The following WNK4 variants were observed in gnomAD, a reference collection of about 807,000 sequenced individuals.
The protein encoded by WNK4 is WNK lysine deficient protein kinase 4.
Under a neutral mutation model 116.2 loss-of-function variants are expected in WNK4, and 94 were observed. That is an observed-to-expected ratio of 0.81 (90% CI 0.68 to 0.96). WNK4 has a LOEUF of 0.96. Ranked by LOEUF, WNK4 falls within the 40% of genes least tolerant of loss-of-function variation. The pLI, the probability that WNK4 is intolerant of heterozygous loss-of-function variation, is 0.00. For synonymous variants in WNK4, 655 were observed against 672.7 expected (o/e 0.97, Z 0.41); for missense variants, 1,542 against 1,650.6 (o/e 0.93, Z 1.14).
intron 11 of WNK4, among the ~76,000 whole-genome samples, chr17:42,792,934 G>T (rs1339614771): frequency 6.6e-6 from 1 of 152,220 alleles, no homozygotes; most frequent in African/African-American, 2.4e-5. Flanking sequence ...TTAGGTAGAT[G>T]TGGGTTTAAA....
In WNK4 at chr17:42,793,697, A is replaced by G. The variant is rs2144071831; in HGVS notation, c.2263A>G (p.Met755Val). The G allele has an allele frequency of 6.2e-6, 10 of 1,614,054 alleles. No homozygotes were observed. The highest frequency in any genetic ancestry group is 8.5e-6 in the Non-Finnish European group (10 of 1,179,986). The change falls in exon 12 of 19, where the codon ATG becomes GTG. Residue 755 changes from methionine (M) to valine (V), a missense_variant. By Grantham distance (21) the Met-to-Val change is conservative. Transcript: ENST00000246914. ...CCTGTTGAAGAGAGACACTGGCCCCATGGAGGCTGCTGAAGACACCCTAAG... is the reference window on the plus strand; with the variant it reads ...CCTGTTGAAGAGAGACACTGGCCCCGTGGAGGCTGCTGAAGACACCCTAAG... Reference protein sequence around the residue: ...ETLLKRDTGPMEAAEDTLSPQ... With the variant: ...ETLLKRDTGPVEAAEDTLSPQ...
At position 42,782,044 on chromosome 17, in the gene WNK4, C is replaced by A. The variant is rs1373778609; in HGVS notation, c.619-714C>A. On this transcript the variant is annotated intron_variant, in intron 1 of 18. Coordinates refer to ENST00000246914, the MANE Select transcript of WNK4 (RefSeq NM_032387.5). The surrounding 1 kb of genome is among the most constrained non-coding windows in gnomAD (Gnocchi z 4.2). ...CATGCTACATATGGGTTAGGAGAACCCAGTCAACTTGGGGCCTGAAGCTTC... is the reference window on the plus strand; with the variant it reads ...CATGCTACATATGGGTTAGGAGAACACAGTCAACTTGGGGCCTGAAGCTTC... Among the ~76,000 whole-genome samples, 1 of 152,208 alleles carries A rather than the reference C, an allele frequency of 6.6e-6. No homozygotes were observed. The highest frequency in any genetic ancestry group is 1.9e-4 in the East Asian group (1 of 5,190).
intron 11 of WNK4, among the ~76,000 whole-genome samples, chr17:42,790,213 A>C (rs142169660): frequency 6.6e-6 from 1 of 152,090 alleles, no homozygotes; most frequent in African/African-American, 2.4e-5. Context: ...AAAATAAGTT[A>C]CTCTGTAATC....
rs61013754 is a variant in WNK4 at position 42,784,909 on chromosome 17, A to G, written c.1171-188A>G. On this transcript the variant is annotated intron_variant, in intron 4 of 18. Transcript: ENST00000246914. The surrounding 1 kb of genome is among the most constrained non-coding windows in gnomAD (Gnocchi z 4.4). Reference sequence around the variant, plus strand: ...ACAAACAGCGGGAGACTTGTTCAAGATCACACTGTAAATACTTGGGGGGGG... The same window carrying G: ...ACAAACAGCGGGAGACTTGTTCAAGGTCACACTGTAAATACTTGGGGGGGG... Among the ~76,000 whole-genome samples the G allele has an allele frequency of 0.089, 12,656 of 142,602 alleles. 1,697 individuals carry two copies. The highest frequency in any genetic ancestry group is 0.29 in the African/African-American group (11,032 of 37,610). 93.6% of individuals were successfully genotyped at this position (142,602 alleles called of 152,430 possible). A position where few individuals can be genotyped will look rare whatever the true frequency, so the allele number is the denominator to read the frequency against.
chr17:42,786,187 A>C (rs1401384915), intron 6 of WNK4, among the ~76,000 whole-genome samples: 1 of 152,216 alleles, frequency 6.6e-6, no homozygotes, highest in Non-Finnish European at 1.5e-5. Context: ...CCAGGGCCCC[A>C]AGTAAGTAAG....
Position 42,796,517 on chromosome 17 carries a change from C to G in WNK4, c.3668C>G (p.Thr1223Ser). ...AGGAACTCTCTGAGTGGCAGCAGCA[C>G]CGGCTCCCAGGAGCAGCGGGCAAGC... is the stretch of plus-strand genomic sequence containing the variant. ...MRRNSLSGSSTGSQEQRASKG... is the reference protein window; with the variant it reads ...MRRNSLSGSSSGSQEQRASKG... Residue 1223 changes from threonine to serine, a missense_variant, in exon 18 of 19, where the codon ACC (threonine) becomes AGC (serine). Coordinates refer to ENST00000246914, the MANE Select transcript of WNK4 (RefSeq NM_032387.5). 1 of 1,614,050 alleles carries G rather than the reference C, an allele frequency of 6.2e-7. No homozygotes were observed. The highest frequency in any genetic ancestry group is 8.5e-7 in the Non-Finnish European group (1 of 1,179,906).
At position 42,796,409 on chromosome 17, in the gene WNK4, G is replaced by C. The variant is rs568654818; in HGVS notation, c.3632-72G>C. On this transcript the variant is annotated intron_variant, in intron 17 of 18. Coordinates refer to ENST00000246914, the MANE Select transcript of WNK4 (RefSeq NM_032387.5). ...TCTCCAGGCCCTGGGGGTCTGCCCCGGGGGAATAGACCCCCTCTCCCCACC... is the reference window on the plus strand; with the variant it reads ...TCTCCAGGCCCTGGGGGTCTGCCCCCGGGGAATAGACCCCCTCTCCCCACC... The C allele has an allele frequency of 9.3e-6, 15 of 1,612,710 alleles. No individual in the cohort carries two copies. The Admixed American group carries it at 1.2e-4, about 13-fold the overall frequency.
chr17:42,788,837 G>C, intron 11 of WNK4, 40 bp downstream of exon 11: 1 of 1,541,356 alleles, frequency 6.5e-7, no homozygotes, highest in Non-Finnish European at 9.0e-7. Flanking sequence ...TTTGGATCTG[G>C]AACAAGAGTC....
Position 42,787,514 on chromosome 17 carries a change from C to T in WNK4, c.1713C>T (p.Phe571=), listed in dbSNP as rs781510536. 85 of 1,605,132 alleles carry T rather than the reference C, an allele frequency of 5.3e-5. No homozygotes were observed. Among genetic ancestry groups the T allele is most frequent in the Admixed American group, 3.2e-4 (19 of 59,628 alleles). ...PEADQHQPFL[F]RHASYSSTTS... is the part of the protein sequence containing the mutation. ...CAGACCAGCACCAGCCCTTCCTTTTCCGCCACGCCAGCTACTCATCTACCA... is the reference window on the plus strand; with the variant it reads ...CAGACCAGCACCAGCCCTTCCTTTTTCGCCACGCCAGCTACTCATCTACCA... The change falls in exon 7 of 19, where the codon TTC becomes TTT. Residue 571 remains phenylalanine, a synonymous_variant. Coordinates refer to ENST00000246914, the MANE Select transcript of WNK4 (RefSeq NM_032387.5).
At chr17:42,788,086 A>G in intron 8 of WNK4, 44 bp from the exon 9 acceptor site, 3 of 1,610,556 alleles carry the variant, frequency 1.9e-6, no homozygotes, top group Middle Eastern at 1.7e-4. Context: ...CTAGATCTCA[A>G]CAGTTATCTT....
intron 11 of WNK4, among the ~76,000 whole-genome samples, chr17:42,789,018 C>A (rs2054582539): frequency 6.6e-6 from 1 of 152,146 alleles, no homozygotes; most frequent in Non-Finnish European, 1.5e-5. Context: ...ATTTGAGACT[C>A]ACATTGACCG....
rs2054482747 is a variant in WNK4, at chr17:42,781,438, T to C, written c.618+122T>C. The C allele has an allele frequency of 7.7e-6, 10 of 1,301,246 alleles. No individual in the cohort carries two copies. The South Asian group carries it at 1.3e-4, about 17-fold the overall frequency. The allele number at this position is 1,301,246 out of a possible 1,614,324, so 80.6% of individuals were successfully genotyped here. On this transcript the variant is annotated intron_variant, in intron 1 of 18. Transcript: ENST00000246914. The stretch of plus-strand genomic sequence containing the variant: ...ATGTATTTTTCCAGTCAAATGTCTA[T>C]AGACACCTCTGCTGTCTTTGCCCTG...
At chr17:42,781,644 C>T (rs1167616178) in intron 1 of WNK4, among the ~76,000 whole-genome samples, 1 of 152,082 alleles carries the variant, frequency 6.6e-6, no homozygotes, top group African/African-American at 2.4e-5. Context: ...TGGTGGGTAC[C>T]CGCAATCCCT....
Position 42,780,749 on chromosome 17 carries a change from G to C in WNK4, c.51G>C (p.Glu17Asp). 6.2e-7 allele frequency: 1 copy of C among 1,608,528 alleles called. No homozygotes were observed. Among genetic ancestry groups the C allele is most frequent in the East Asian group, 2.2e-5 (1 of 44,840 alleles). ...TETTVLMSQT[E>D]ADLALRPPPP... is the part of the protein sequence containing the mutation. ...CCACCGTCCTCATGTCCCAGACTGAGGCCGACCTGGCCCTGCGGCCCCCGC... is the reference window on the plus strand; with the variant it reads ...CCACCGTCCTCATGTCCCAGACTGACGCCGACCTGGCCCTGCGGCCCCCGC... Residue 17 changes from glutamate (E) to aspartate (D), a missense_variant, in exon 1 of 19, where the codon GAG (glutamate) becomes GAC (aspartate). Glu to Asp is a conservative substitution (Grantham distance 45). Transcript: ENST00000246914.
chr17:42,794,206 T>C (rs1166250184), intron 12 of WNK4: 3 of 312,572 alleles, frequency 9.6e-6, no homozygotes, highest in Non-Finnish European at 1.8e-5. Context: ...CATGGACTCT[T>C]GTTCTAGAAA....
At chr17:42,793,570 C>T in intron 11 of WNK4, 22 bp from the exon 12 acceptor site, 2 of 1,613,102 alleles carry the variant, frequency 1.2e-6, no homozygotes, top group Non-Finnish European at 1.7e-6. Context: ...CTCTCCCTCC[C>T]CATCCTGTTG....
intron 2 of WNK4, 27 bp from the exon 3 acceptor site, chr17:42,783,910 G>A: frequency 1.2e-6 from 2 of 1,603,126 alleles, no homozygotes; most frequent in South Asian, 2.2e-5. Context: ...CCCCCCACCA[G>A]GACTCTGGCT....
chr17:42,783,950 T>TTCCGGGAGATGAAGCCGCGGG lies in WNK4; in HGVS notation c.809_829dup (p.Arg270_Val276dup). 1 of 1,613,448 alleles carries TTCCGGGAGATGAAGCCGCGGG rather than the reference T, an allele frequency of 6.2e-7. No individual in the cohort carries two copies. The highest frequency in any genetic ancestry group is 8.5e-7 in the Non-Finnish European group (1 of 1,179,844). On this transcript the variant is annotated inframe_insertion, in exon 3 of 19. Transcript: ENST00000246914. ...GCCCTCCCCCAGGTACCTGAGGCGG[T>TTCCGGGAGATGAAGCCGCGGG]TCCGGGAGATGAAGCCGCGGGTCCT... is the stretch of plus-strand genomic sequence containing the variant.
chr17:42,788,175 T>TC lies in WNK4; in HGVS notation c.1914dup (p.Gly639ArgfsTer13), dbSNP rs35772851. 1 of 1,614,172 alleles carries TC rather than the reference T, an allele frequency of 6.2e-7. No homozygotes were observed. Among genetic ancestry groups the TC allele is most frequent in the Admixed American group, 1.7e-5 (1 of 60,024 alleles). On this transcript the variant is annotated frameshift_variant, in exon 9 of 19. Transcript: ENST00000246914. LOFTEE classifies it high-confidence loss of function. Reference sequence around the variant, plus strand: ...ACGTTCTGGCCCTGGAAGTGACTTTTCCCCCGGGGACAGGTATGTTCTGGT... The same window carrying TC: ...ACGTTCTGGCCCTGGAAGTGACTTTTCCCCCCGGGGACAGGTATGTTCTGGT...
Sources: gnomAD v4.1 joint callset for allele counts (sites outside exome capture counted in the v4.1 genomes callset) on GRCh38, gnomAD v4.1.1 for gene constraint, Gnocchi (gnomAD v3.1) non-coding constraint, MANE v1.5 for transcripts, NCBI Gene and HGNC (gene_info 2026-07-23, HGNC 2026-07-21) for gene names.